The following ZNF721 variants were observed in gnomAD, a reference collection of about 807,000 sequenced individuals.
ZNF721 encodes the protein zinc finger protein 721.
Under a neutral mutation model 2.4 loss-of-function variants are expected in ZNF721, and 2 were observed. That is an observed-to-expected ratio of 0.82 (90% CI 0.34 to 2.58). ZNF721 has a LOEUF of 2.58. Among genes scored for constraint, ZNF721 ranks in the 30% most tolerant of loss-of-function variants. The pLI is 0.11. For missense variants in ZNF721, 1,187 were observed against 1,085.5 expected (o/e 1.09, Z -1.31); for synonymous variants, 398 against 381.8 (o/e 1.04, Z -0.50).
At chr4:487,511 A>G (rs567993401) in intron 1 of ZNF721, among the ~76,000 whole-genome samples, 1 of 152,300 alleles carries the variant, frequency 6.6e-6, no homozygotes, top group African/African-American at 2.4e-5. Flanking sequence ...TAACCAGCTC[A>G]ATCCTGAGCT....
At chr4:452,853 CA>C (rs1576956522) in intron 2 of ZNF721, among the ~76,000 whole-genome samples, 1 of 152,054 alleles carries the variant, frequency 6.6e-6, no homozygotes, top group East Asian at 1.9e-4. Context: ...TGAGTTTCCC[CA>C]ATACTCACCA....
intron 2 of ZNF721, among the ~76,000 whole-genome samples, chr4:467,395 T>A (rs982125734): frequency 6.6e-6 from 1 of 152,204 alleles, no homozygotes; most frequent in Non-Finnish European, 1.5e-5. Context: ...ACTAACAAAG[T>A]GACAATGTAT....
At chr4:478,211 A>G (rs73219255) in intron 1 of ZNF721, among the ~76,000 whole-genome samples, 18,239 of 152,146 alleles carry the variant, frequency 0.12, 1,419 homozygotes, top group African/African-American at 0.22. Flanking sequence ...GACAAAAATT[A>G]AGGACCTTGC....
chr4:473,352 G>A (rs1412902598), intron 1 of ZNF721, among the ~76,000 whole-genome samples: 1 of 152,050 alleles, frequency 6.6e-6, no homozygotes, highest in Non-Finnish European at 1.5e-5. Context: ...AGCACACAGA[G>A]TCCCTTACCC....
intron 1 of ZNF721, among the ~76,000 whole-genome samples, chr4:473,474 G>C (rs1385287732): frequency 1.3e-5 from 2 of 152,158 alleles, no homozygotes; most frequent in Non-Finnish European, 2.9e-5. Context: ...TGGGAAAGTT[G>C]GGGCGGGCTG....
chr4:483,856 G>A (rs1198130219), intron 1 of ZNF721, among the ~76,000 whole-genome samples: 1 of 152,168 alleles, frequency 6.6e-6, no homozygotes, highest in Non-Finnish European at 1.5e-5. Context: ...TCTGTCGCCA[G>A]GCTGGAGTGC....
intron 1 of ZNF721, 143 bp from the exon 2 acceptor site, chr4:472,844 T>C: frequency 8.5e-7 from 1 of 1,173,874 alleles, no homozygotes; most frequent in Non-Finnish European, 1.2e-6. Context: ...TAAAGTATTC[T>C]ATAGCTCTGC....
At chr4:450,955 AAATATATATATATATAT>A (rs1490974717) in intron 2 of ZNF721, among the ~76,000 whole-genome samples, 4 of 27,948 alleles carry the variant, frequency 1.4e-4, no homozygotes, top group African/African-American at 7.6e-4. Context: ...AAAAAAAAAA[AAATATATATATATATAT>A]ATATATATAT....
chr4:459,997 T>C (rs1044704449), intron 2 of ZNF721, among the ~76,000 whole-genome samples: 2 of 152,132 alleles, frequency 1.3e-5, no homozygotes, highest in Admixed American at 6.6e-5. Flanking sequence ...ACAATAATAA[T>C]GGGAGACTTT....
rs562482350 is a variant in ZNF721 at position 494,205 on chromosome 4, G to A, written c.-94+4851C>T. 1.7e-3 allele frequency among the ~76,000 whole-genome samples: 254 copies of A among 146,568 alleles called. 1 individual carries two copies. The highest frequency in any genetic ancestry group is 6.2e-3 in the African/African-American group (245 of 39,604). ...CATCTTTTTTTTTTTTTTTTGAGAC[G>A]GAATCTCGCTCTGTCACCCAGGCTG... On this transcript the variant is annotated intron_variant, in intron 1 of 2. Coordinates refer to ENST00000511833, the MANE Select transcript of ZNF721 (RefSeq NM_133474.4).
intron 1 of ZNF721, among the ~76,000 whole-genome samples, chr4:494,435 C>T (rs1199686523): frequency 6.6e-6 from 1 of 152,070 alleles, no homozygotes; most frequent in Non-Finnish European, 1.5e-5. Context: ...ATCCACCCAC[C>T]TCGGCCTCCC....
chr4:462,539 T>C (rs1326521858), intron 2 of ZNF721, among the ~76,000 whole-genome samples: 1 of 152,214 alleles, frequency 6.6e-6, no homozygotes, highest in African/African-American at 2.4e-5. Context: ...AGCATGGTAC[T>C]GATACCAAAA....
intron 1 of ZNF721, among the ~76,000 whole-genome samples, chr4:477,700 T>C (rs536583197): frequency 1.3e-5 from 2 of 152,216 alleles, no homozygotes; most frequent in East Asian, 1.9e-4. Context: ...GAAAATTTCA[T>C]GCTCCAAAGA....
At chr4:465,673 C>T (rs1553866686) in intron 2 of ZNF721, among the ~76,000 whole-genome samples, 3 of 151,686 alleles carry the variant, frequency 2.0e-5, no homozygotes, top group African/African-American at 2.4e-5. Context: ...ACCTCATGAT[C>T]GGCCTCGTGA....
chr4:443,138 T>C lies in ZNF721; in HGVS notation c.1329A>G (p.Lys443=). Residue 443 remains lysine (K), a synonymous_variant, in exon 3 of 3, where the codon AAA becomes AAG. Coordinates refer to ENST00000511833, the MANE Select transcript of ZNF721 (RefSeq NM_133474.4). ...NEYKKIHTGD[K]PYKCKECGKA... ...TCCCACATTCTTTACATTTGTAGGG[T>C]TTATCTCCAGTATGAATTTTCTTAT... 2.5e-6 allele frequency: 4 copies of C among 1,613,838 alleles called. No homozygotes were observed. Among genetic ancestry groups the C allele is most frequent in the South Asian group, 1.1e-5 (1 of 91,076 alleles).
At chr4:474,958 G>T (rs1157940314) in intron 1 of ZNF721, among the ~76,000 whole-genome samples, 1 of 152,108 alleles carries the variant, frequency 6.6e-6, no homozygotes, top group Non-Finnish European at 1.5e-5. Context: ...GGAGGCCGGG[G>T]CGGGTGGATC....
rs781838685 is a variant in ZNF721, at chr4:442,606, C to A, written c.1861G>T (p.Asp621Tyr). Reference sequence around the variant, plus strand: ...TTCAGGTCCGTGTACCATACAAAGTCTTTGCCACACTCTTCACATTTGTAA... The same window carrying A: ...TTCAGGTCCGTGTACCATACAAAGTATTTGCCACACTCTTCACATTTGTAA... ...KLYKCEECGK[D>Y]FVWYTDLNQQ... The change falls in exon 3 of 3, where the codon GAC becomes TAC. Residue 621 changes from aspartate to tyrosine, a missense_variant. Coordinates refer to ENST00000511833, the MANE Select transcript of ZNF721 (RefSeq NM_133474.4). 1.9e-6 allele frequency: 3 copies of A among 1,613,656 alleles called. No individual in the cohort carries two copies. The African/African-American group carries it at 4.0e-5, about 22-fold the overall frequency.
chr4:492,969 C>T (rs1237613094), intron 1 of ZNF721, among the ~76,000 whole-genome samples: 1 of 151,680 alleles, frequency 6.6e-6, no homozygotes, highest in South Asian at 2.1e-4. Context: ...TCCTCCAATA[C>T]ATTTTTATTG....
rs1327795567 is a variant in ZNF721, at chr4:440,429, G to C, written c.*1266C>G. The C allele has an allele frequency of 1.3e-5, 2 of 151,876 alleles. No homozygotes were observed. Among genetic ancestry groups the C allele is most frequent in the Admixed American group, 6.6e-5 (1 of 15,258 alleles). 9.4% of individuals were successfully genotyped at this position (151,876 alleles called of 1,614,324 possible). A position where few individuals can be genotyped will look rare whatever the true frequency, so the allele number is the denominator to read the frequency against. On this transcript the variant is annotated 3_prime_UTR_variant, in exon 3 of 3. Transcript: ENST00000511833. ...TTTTTCAAGTGAAAAAATATATTTC[G>C]AATATATCTCTTCAAAAACCTACTT... is the stretch of plus-strand genomic sequence containing the variant.
Sources: allele counts gnomAD v4.1 joint callset (sites outside exome capture counted in the v4.1 genomes callset), GRCh38; gene constraint gnomAD v4.1.1; transcripts MANE v1.5; gene names NCBI Gene and HGNC (gene_info 2026-07-23, HGNC 2026-07-21).